Variants in CTNND2 observed in about 807,000 individuals in gnomAD.
The protein encoded by CTNND2 is catenin delta-2.
In CTNND2, 22 loss-of-function variants were observed where a neutral mutation model predicts 144.4. That is an observed-to-expected ratio of 0.15 (90% confidence interval 0.11 to 0.22). The LOEUF (loss-of-function observed/expected upper bound fraction) is 0.22, where lower values mean the gene tolerates loss of function less well. Among genes scored for constraint, CTNND2 ranks in the 10% least tolerant of loss-of-function variants. The pLI is 1.00. For missense variants in CTNND2, 1,353 were observed against 1,618.8 expected, an observed-to-expected ratio of 0.84 and a Z score of 2.82; for synonymous variants, 751 against 695.6, an observed-to-expected ratio of 1.08 and a Z score of -1.25.
chr5:11,227,048 C>A (rs753530508), intron 10 of CTNND2, among the ~76,000 whole-genome samples: 21 of 152,284 alleles, frequency 1.4e-4, no homozygotes, highest in South Asian at 4.1e-4. Flanking sequence ...TGGCTTAGCA[C>A]AGAGCCACAC....
In CTNND2 at chr5:11,278,937, G is replaced by A. The variant is rs533935617; in HGVS notation, c.1629-42114C>T. ...GGCAGCCCTGGGGCTCATCCTGGTC[G>A]TCTTCTCTTCTTTACCTTCACTAAC... On this transcript the variant is annotated intron_variant, in intron 9 of 21. Coordinates refer to ENST00000304623, the MANE Select transcript of CTNND2 (RefSeq NM_001332.4). Among the ~76,000 whole-genome samples the A allele has an allele frequency of 7.1e-4, 108 of 152,192 alleles. 1 individual carries two copies. The highest frequency in any genetic ancestry group is 2.4e-3 in the African/African-American group (99 of 41,538).
chr5:11,455,448 A>G (rs1765652893), intron 3 of CTNND2, among the ~76,000 whole-genome samples: 1 of 152,176 alleles, frequency 6.6e-6, no homozygotes, highest in African/African-American at 2.4e-5. Flanking sequence ...TGTTCAAACC[A>G]TGTGTATCTG....
intron 11 of CTNND2, among the ~76,000 whole-genome samples, chr5:11,161,842 G>T (rs1758789050): frequency 6.6e-6 from 1 of 151,978 alleles, no homozygotes; most frequent in Admixed American, 6.6e-5. Context: ...TTGCTGTATG[G>T]TATATATCCT....
intron 1 of CTNND2, among the ~76,000 whole-genome samples, chr5:11,773,228 A>G (rs1256746540): frequency 6.6e-6 from 1 of 152,240 alleles, no homozygotes; most frequent in Admixed American, 6.5e-5. Flanking sequence ...CATACAAATG[A>G]AATGATTTTT....
chr5:11,257,699 G>T (rs1032058720), intron 9 of CTNND2, among the ~76,000 whole-genome samples: 4 of 152,196 alleles, frequency 2.6e-5, no homozygotes, highest in African/African-American at 9.7e-5. Context: ...TGAGATTCAG[G>T]TGGGAACACA....
At chr5:11,339,321 T>A (rs1230710827) in intron 9 of CTNND2, among the ~76,000 whole-genome samples, 2 of 151,996 alleles carry the variant, frequency 1.3e-5, no homozygotes, top group East Asian at 1.9e-4. Flanking sequence ...TTCAAAGTTG[T>A]GTGAGAGGGA....
At chr5:11,150,966 C>T (rs780562089) in intron 12 of CTNND2, among the ~76,000 whole-genome samples, 5 of 152,132 alleles carry the variant, frequency 3.3e-5, no homozygotes, top group Non-Finnish European at 5.9e-5. Flanking sequence ...CCTCTCATTG[C>T]TGATGTTTTC....
intron 3 of CTNND2, among the ~76,000 whole-genome samples, chr5:11,454,373 T>G (rs1765547991): frequency 6.6e-6 from 1 of 151,898 alleles, no homozygotes; most frequent in African/African-American, 2.4e-5. Context: ...TGAGCCGAAA[T>G]CACATCACCG....
chr5:11,882,970 C>T (rs1356939002), intron 1 of CTNND2, among the ~76,000 whole-genome samples: 1 of 151,754 alleles, frequency 6.6e-6, no homozygotes, highest in Non-Finnish European at 1.5e-5. Flanking sequence ...ATTTTTGTGT[C>T]CTCTTCAGTT....
intron 11 of CTNND2, among the ~76,000 whole-genome samples, chr5:11,196,780 G>C (rs1736898085): frequency 1.3e-5 from 2 of 151,704 alleles, no homozygotes; most frequent in South Asian, 4.2e-4. Context: ...ATTCAGAGCA[G>C]AGCCTCACCA....
chr5:11,010,103 C>T (rs1740920136), intron 18 of CTNND2, among the ~76,000 whole-genome samples: 1 of 152,356 alleles, frequency 6.6e-6, no homozygotes, highest in South Asian at 2.1e-4. Flanking sequence ...CTTGTGGACA[C>T]TAGCCTTGGG....
chr5:11,310,321 G>A (rs1750664003), intron 9 of CTNND2, among the ~76,000 whole-genome samples: 1 of 151,966 alleles, frequency 6.6e-6, no homozygotes, highest in South Asian at 2.1e-4. Flanking sequence ...AAAAATCCTT[G>A]TTGACTGAGA....
In CTNND2 at chr5:11,658,144, C is replaced by T. The variant is rs376222301; in HGVS notation, c.174+73992G>A. ...CTATATTCAAATTATAGTAAGCTTC[C>T]TCTTCAAGTTTTATGAAGATTGTGA... On this transcript the variant is annotated intron_variant, in intron 2 of 21. Coordinates refer to ENST00000304623, the MANE Select transcript of CTNND2 (RefSeq NM_001332.4). Among the ~76,000 whole-genome samples the T allele has an allele frequency of 1.1e-3, 168 of 152,066 alleles. 4 individuals carry two copies. In the South Asian group the frequency reaches 0.032, roughly 29 times the overall value.
intron 2 of CTNND2, among the ~76,000 whole-genome samples, chr5:11,712,994 G>A (rs771849774): frequency 3.3e-5 from 5 of 152,062 alleles, no homozygotes; most frequent in African/African-American, 4.8e-5. Flanking sequence ...AATAAAGTTC[G>A]AGCCACATTC....
At chr5:11,002,924 G>A (rs1258849485) in intron 18 of CTNND2, among the ~76,000 whole-genome samples, 1 of 152,172 alleles carries the variant, frequency 6.6e-6, no homozygotes, top group Non-Finnish European at 1.5e-5. Flanking sequence ...CTTTGAAAAT[G>A]AACAATGCTT....
chr5:11,443,964 G>A (rs763656724), intron 3 of CTNND2, among the ~76,000 whole-genome samples: 6 of 152,032 alleles, frequency 3.9e-5, no homozygotes, highest in Non-Finnish European at 8.8e-5. Context: ...GCTTAACAAC[G>A]GCACAATTTT....
chr5:11,422,869 A>T (rs1304288964), intron 3 of CTNND2, among the ~76,000 whole-genome samples: 1 of 152,236 alleles, frequency 6.6e-6, no homozygotes, highest in Non-Finnish European at 1.5e-5. Flanking sequence ...AAAATTCAAT[A>T]TCAGAAGCAG....
At chr5:11,743,422 A>G (rs1324407365) in intron 1 of CTNND2, among the ~76,000 whole-genome samples, 1 of 152,234 alleles carries the variant, frequency 6.6e-6, no homozygotes, top group Non-Finnish European at 1.5e-5. Flanking sequence ...CAACTACCTG[A>G]GAATGATGTA....
intron 2 of CTNND2, among the ~76,000 whole-genome samples, chr5:11,661,787 T>C (rs187819746): frequency 6.6e-6 from 1 of 152,212 alleles, no homozygotes; most frequent in Admixed American, 6.6e-5. Context: ...ATTTTTCTTT[T>C]TATGTCTTTC....
Sources: gnomAD v4.1 joint callset for allele counts (sites outside exome capture counted in the v4.1 genomes callset) on GRCh38, gnomAD v4.1.1 for gene constraint, MANE v1.5 for transcripts, NCBI Gene and HGNC (gene_info 2026-07-23, HGNC 2026-07-21) for gene names.